The following NLRC3 variants were observed in gnomAD, a reference collection of about 807,000 sequenced individuals.
NLRC3 encodes the protein NLR family CARD domain-containing protein 3.
Under a neutral mutation model 91.6 loss-of-function variants are expected in NLRC3, and 87 were observed. That is an observed-to-expected ratio of 0.95 (90% confidence interval 0.80 to 1.14). NLRC3 has a LOEUF of 1.14. Ranked by LOEUF, NLRC3 falls within the 50% of genes most tolerant of loss-of-function variation. The pLI is 0.00. For missense variants in NLRC3, 1,577 were observed against 1,418.6 expected (o/e 1.11, Z -1.79); for synonymous variants, 694 against 625.3 (o/e 1.11, Z -1.64).
At chr16:3,575,504 T>A (rs568656615) in intron 1 of NLRC3, among the ~76,000 whole-genome samples, 1 of 152,314 alleles carries the variant, frequency 6.6e-6, no homozygotes, top group Non-Finnish European at 1.5e-5. Flanking sequence ...TGGTTTGAGC[T>A]GCTGCGAGCA....
rs144420658 is a variant in NLRC3, at chr16:3,551,939, A to G, written c.2351+257T>C. ...TATCCACTCATTCATCCATCAGTCC[A>G]CTCATCCATCCATCCGTCCACTCAT... is the stretch of plus-strand genomic sequence containing the variant. On this transcript the variant is annotated intron_variant, in intron 10 of 19. Transcript: ENST00000359128. 2.4e-3 allele frequency among the ~76,000 whole-genome samples: 365 copies of G among 150,600 alleles called. 2 individuals carry two copies. Among genetic ancestry groups the G allele is most frequent in the African/African-American group, 8.5e-3 (348 of 40,804 alleles).
intron 1 of NLRC3, among the ~76,000 whole-genome samples, chr16:3,569,320 A>C (rs983478560): frequency 2.0e-5 from 3 of 148,546 alleles, no homozygotes; most frequent in African/African-American, 7.5e-5. Flanking sequence ...TCTCAAAAAA[A>C]AAAAAAAATT....
intron 15 of NLRC3, chr16:3,545,430 G>T (rs758901712): frequency 6.6e-6 from 1 of 152,146 alleles, no homozygotes; most frequent in Admixed American, 6.5e-5. Flanking sequence ...AACCCAGGAG[G>T]TGGAGGTTGC....
Position 3,554,410 on chromosome 16 carries a change from C to A in NLRC3, c.2184-85G>T, listed in dbSNP as rs558598565. 1.4e-5 allele frequency: 14 copies of A among 987,874 alleles called. No homozygotes were observed. In the East Asian group the frequency reaches 2.8e-4, roughly 20 times the overall value. The allele number at this position is 987,874 out of a possible 1,614,324, so 61.2% of individuals were successfully genotyped here. A position where few individuals can be genotyped will look rare whatever the true frequency, so the allele number is the denominator to read the frequency against. ...AACTCTCTCTGCAGTGGGGGCACCT[C>A]TGTGGAGCAAGGGGTTCTGACCACT... On this transcript the variant is annotated intron_variant, in intron 8 of 19. Coordinates refer to ENST00000359128, the MANE Select transcript of NLRC3 (RefSeq NM_178844.4).
intron 7 of NLRC3, 149 bp downstream of exon 7, chr16:3,557,444 A>G (rs1195245821): frequency 6.6e-6 from 4 of 608,670 alleles, no homozygotes; most frequent in Non-Finnish European, 1.2e-5. Context: ...TTATGTCCAG[A>G]TGCTACCCAG....
chr16:3,549,362 G>C, intron 12 of NLRC3, 137 bp from the exon 13 acceptor site: 2 of 706,876 alleles, frequency 2.8e-6, no homozygotes, highest in Non-Finnish European at 4.9e-6. Context: ...TCTGGGCTGA[G>C]GTGTGAAGGA....
rs1391555542 is a variant in NLRC3, at chr16:3,577,302, G to A, written c.-322C>T. The A allele has an allele frequency of 6.0e-6, 4 of 668,664 alleles. No individual in the cohort carries two copies. The Admixed American group carries it at 8.5e-5, about 14-fold the overall frequency. The allele number at this position is 668,664 out of a possible 1,614,324, so 41.4% of individuals were successfully genotyped here. ...CCTGAGTTCTCAGGACCAGGGATCAGGGCACTTACCACGCCAACCAACCAA... is the reference window on the plus strand; with the variant it reads ...CCTGAGTTCTCAGGACCAGGGATCAAGGCACTTACCACGCCAACCAACCAA... On this transcript the variant is annotated 5_prime_UTR_variant, in exon 1 of 20. Transcript: ENST00000359128.
chr16:3,547,354 C>T (rs775768585), intron 15 of NLRC3, among the ~76,000 whole-genome samples: 8 of 152,046 alleles, frequency 5.3e-5, no homozygotes, highest in Non-Finnish European at 1.2e-4. Context: ...CATTTATATG[C>T]GGTGTCCAGG....
intron 6 of NLRC3, among the ~76,000 whole-genome samples, chr16:3,559,431 C>T (rs1179559293): frequency 6.6e-6 from 1 of 152,074 alleles, no homozygotes; most frequent in Non-Finnish European, 1.5e-5. Flanking sequence ...AACTCCTGGC[C>T]TTAAAGAATC....
At chr16:3,551,627 CCATT>C (rs761969982) in intron 10 of NLRC3, among the ~76,000 whole-genome samples, 14 of 151,260 alleles carry the variant, frequency 9.3e-5, no homozygotes, top group East Asian at 2.0e-4. Context: ...ATCCATCCAT[CCATT>C]CATTCAACCA....
chr16:3,576,352 C>T (rs1016572255), intron 1 of NLRC3, among the ~76,000 whole-genome samples: 5 of 152,230 alleles, frequency 3.3e-5, no homozygotes, highest in African/African-American at 9.6e-5. Context: ...GCTGCCCACT[C>T]GCCTGGGGGC....
intron 6 of NLRC3, 29 bp downstream of exon 6, chr16:3,561,673 A>G (rs748411492): frequency 5.4e-5 from 81 of 1,508,866 alleles, no homozygotes; most frequent in Non-Finnish European, 6.8e-5. Context: ...GACCATAGGC[A>G]CCCTGGAGGT....
At chr16:3,541,955 G>A in intron 19 of NLRC3, 40 bp from the exon 20 acceptor site, 1 of 1,190,836 alleles carries the variant, frequency 8.4e-7, no homozygotes, top group Non-Finnish European at 1.2e-6. Flanking sequence ...AAGCCTGCAG[G>A]TTCTCTTTAG....
In NLRC3 at chr16:3,564,341, G is replaced by A. The variant is rs144106088; in HGVS notation, c.596C>T (p.Pro199Leu). 1.5e-4 allele frequency: 241 copies of A among 1,611,718 alleles called. 1 individual carries two copies. The highest frequency in any genetic ancestry group is 4.3e-4 in the Admixed American group (26 of 59,926). The change falls in exon 5 of 20, where the codon CCG becomes CTG. Residue 199 changes from proline (P) to leucine (L), a missense_variant. Transcript: ENST00000359128. This position sits in a 1 kb window ranked among gnomAD's most constrained non-coding sequence, Gnocchi z 5.9. ...CADRLICSVFPHVGEPSLAVA... is the reference protein window; with the variant it reads ...CADRLICSVFLHVGEPSLAVA... ...CGCCAGGCTGGGCTCCCCGACGTGC[G>A]GGAAGACCGAGCAGATGAGTCGGTC...
chr16:3,570,341 A>G (rs12325478), intron 1 of NLRC3, among the ~76,000 whole-genome samples: 2,359 of 152,300 alleles, frequency 0.015, 68 homozygotes, highest in African/African-American at 0.053. Flanking sequence ...ATATAAACAT[A>G]TGATTTATTT....
chr16:3,549,258 C>T (rs369748637), intron 12 of NLRC3, 33 bp from the exon 13 acceptor site: 42 of 1,492,736 alleles, frequency 2.8e-5, no homozygotes, highest in African/African-American at 2.4e-4. Context: ...AGCTTCTGAC[C>T]GGGCAGATGA....
At chr16:3,576,222 C>T (rs566114756) in intron 1 of NLRC3, among the ~76,000 whole-genome samples, 4 of 152,302 alleles carry the variant, frequency 2.6e-5, no homozygotes, top group Non-Finnish European at 4.4e-5. Context: ...TAGGGGAAGA[C>T]CCTGCAGCCA....
chr16:3,548,719 G>A lies in NLRC3; in HGVS notation c.2638C>T (p.Arg880Trp), dbSNP rs368131583. ...TCTCTCACTGCCACTGCGATGGCCC[G>A]GGCACCCTGGTCGTGGAGGAGGTTG... Reference protein sequence around the residue: ...TANLLHDQGARAIAVAVRENR... With the variant: ...TANLLHDQGAWAIAVAVRENR... Residue 880 changes from arginine (R) to tryptophan (W), a missense_variant, in exon 14 of 20, where the codon CGG becomes TGG. Coordinates refer to ENST00000359128, the MANE Select transcript of NLRC3 (RefSeq NM_178844.4). 6.0e-5 allele frequency: 97 copies of A among 1,604,366 alleles called. No homozygotes were observed. The highest frequency in any genetic ancestry group is 7.4e-5 in the Non-Finnish European group (87 of 1,175,828).
intron 14 of NLRC3, among the ~76,000 whole-genome samples, 152 bp from the exon 15 acceptor site, chr16:3,548,370 G>T (rs967264846): frequency 1.3e-5 from 2 of 152,250 alleles, no homozygotes; most frequent in Non-Finnish European, 2.9e-5. Context: ...TTCTCAGAGG[G>T]TCACATGTAC....
Sources: allele counts gnomAD v4.1 joint callset (sites outside exome capture counted in the v4.1 genomes callset), GRCh38; gene constraint gnomAD v4.1.1; non-coding constraint Gnocchi (gnomAD v3.1); transcripts MANE v1.5; gene names NCBI Gene and HGNC (gene_info 2026-07-23, HGNC 2026-07-21).